The following MINDY4 variants were observed in gnomAD, a reference collection of about 807,000 sequenced individuals.
MINDY4 encodes probable ubiquitin carboxyl-terminal hydrolase MINDY-4.
A neutral mutation model predicts 87.0 loss-of-function variants in MINDY4; 68 were observed. The ratio of observed to expected loss-of-function variants is 0.78; its 90% CI spans 0.64 to 0.96. The LOEUF is 0.96. Ranked by LOEUF, MINDY4 falls within the 40% of genes least tolerant of loss-of-function variation. The pLI is 0.00. For missense variants in MINDY4, 919 were observed against 928.2 expected (o/e 0.99, Z 0.13); for synonymous variants, 379 against 363.2 (o/e 1.04, Z -0.50).
intron 15 of MINDY4, among the ~76,000 whole-genome samples, chr7:30,880,300 G>GCCCCCCCCCCCCCCCCCCCCCC (rs1357350063): frequency 2.0e-5 from 1 of 50,704 alleles, no homozygotes; most frequent in Non-Finnish European, 4.5e-5. Flanking sequence ...GCCCTCCCCC[G>GCCCCCCCCCCCCCCCCCCCCCC]CACCCCCCCC....
At chr7:30,814,461 G>A (rs1375423069) in intron 5 of MINDY4, among the ~76,000 whole-genome samples, 1 of 152,142 alleles carries the variant, frequency 6.6e-6, no homozygotes, top group East Asian at 1.9e-4. Flanking sequence ...ACGTCACCAT[G>A]GACCTGTGTG....
Position 30,851,079 on chromosome 7 carries a change from G to T in MINDY4, c.1547+524G>T, listed in dbSNP as rs867924862. Among the ~76,000 whole-genome samples, 3 of 152,172 alleles carry T rather than the reference G, an allele frequency of 2.0e-5. No individual in the cohort carries two copies. In the South Asian group the frequency reaches 6.2e-4, roughly 32 times the overall value. ...TCCTGACCCGCATCGTCTCTTCACC[G>T]CTGGCCCCATTCTACTGCATATAAC... On this transcript the variant is annotated intron_variant, in intron 10 of 17. Coordinates refer to ENST00000265299, the MANE Select transcript of MINDY4 (RefSeq NM_032222.3).
intron 5 of MINDY4, among the ~76,000 whole-genome samples, chr7:30,807,273 A>G (rs1787841112): frequency 6.6e-6 from 1 of 152,182 alleles, no homozygotes; most frequent in African/African-American, 2.4e-5. Flanking sequence ...ATGATCTTAT[A>G]AGGGCATTTT....
intron 13 of MINDY4, among the ~76,000 whole-genome samples, chr7:30,867,811 G>T (rs185155131): frequency 6.6e-6 from 1 of 152,188 alleles, no homozygotes; most frequent in Non-Finnish European, 1.5e-5. Context: ...GTGGAGGGGG[G>T]ATAGCTGGTT....
intron 16 of MINDY4, 31 bp downstream of exon 16, chr7:30,882,392 C>T: frequency 7.0e-7 from 1 of 1,432,166 alleles, no homozygotes. Context: ...ACCCACCCAA[C>T]CCTGTCCCCA....
intron 13 of MINDY4, among the ~76,000 whole-genome samples, chr7:30,859,687 G>T (rs1251164728): frequency 6.6e-6 from 1 of 152,170 alleles, no homozygotes; most frequent in Non-Finnish European, 1.5e-5. Flanking sequence ...GATGGCTGAG[G>T]GCCCTCTAGA....
chr7:30,851,897 A>C (rs1288712917), intron 10 of MINDY4, among the ~76,000 whole-genome samples: 26 of 152,188 alleles, frequency 1.7e-4, no homozygotes, highest in Admixed American at 1.5e-3. Flanking sequence ...CAGTCTGGAA[A>C]CACATTTGTC....
chr7:30,826,220 G>T (rs1316437809), intron 5 of MINDY4, among the ~76,000 whole-genome samples: 1 of 152,178 alleles, frequency 6.6e-6, no homozygotes, highest in Non-Finnish European at 1.5e-5. Flanking sequence ...TCAGGGATTA[G>T]GATGTGGATA....
At chr7:30,847,938 G>A (rs1789277387) in intron 9 of MINDY4, among the ~76,000 whole-genome samples, 1 of 152,112 alleles carries the variant, frequency 6.6e-6, no homozygotes, top group South Asian at 2.1e-4. Flanking sequence ...TCGCTATGTT[G>A]CCTGGGCTGT....
At position 30,850,534 on chromosome 7, in the gene MINDY4, G is replaced by A. The variant is rs774538147; in HGVS notation, c.1526G>A (p.Arg509Gln). ...LADIVWRAGGRERAVVALASR... is the reference protein window; with the variant it reads ...LADIVWRAGGQERAVVALASR... ...GACATTGTGTGGCGGGCAGGGGGCC[G>A]AGAGAGAGCCGTTGTTGCACTGTAA... The change falls in exon 10 of 18, where the codon CGA (arginine) becomes CAA (glutamine). Residue 509 changes from arginine (R) to glutamine (Q), a missense_variant. Physicochemically the swap from Arg to Gln is conservative, Grantham distance 43. Transcript: ENST00000265299. The A allele has an allele frequency of 1.2e-5, 20 of 1,606,590 alleles. No homozygotes were observed. The highest frequency in any genetic ancestry group is 2.2e-5 in the South Asian group (2 of 89,502).
chr7:30,793,062 T>G (rs1219494394), intron 5 of MINDY4, among the ~76,000 whole-genome samples: 1 of 149,244 alleles, frequency 6.7e-6, no homozygotes, highest in Non-Finnish European at 1.5e-5. Context: ...TTTTTTTTTT[T>G]TAACCCATGG....
Position 30,836,727 on chromosome 7 carries a change from A to T in MINDY4, c.1202A>T (p.Gln401Leu), listed in dbSNP as rs371516368. 5 of 1,614,090 alleles carry T rather than the reference A, an allele frequency of 3.1e-6. No individual in the cohort carries two copies. Among genetic ancestry groups the T allele is most frequent in the Non-Finnish European group, 3.4e-6 (4 of 1,180,028 alleles). The change falls in exon 7 of 18, where the codon CAG (glutamine) becomes CTG (leucine). Residue 401 changes from glutamine (Q) to leucine (L), a missense_variant. Transcript: ENST00000265299. ...LSPVPSVLKL[Q>L]TASKPIDLSV... ...CCAGTCCCATCAGTGCTCAAGTTGC[A>T]GACAGCATCAAAACCAATTGACCTC...
intron 12 of MINDY4, chr7:30,858,177 GA>G (rs1789634863): frequency 6.6e-6 from 1 of 152,198 alleles, no homozygotes; most frequent in African/African-American, 2.4e-5. Flanking sequence ...TGAAGGTGGG[GA>G]TGGTGTTTCT....
intron 5 of MINDY4, among the ~76,000 whole-genome samples, chr7:30,795,686 A>AT: frequency 6.6e-6 from 1 of 152,296 alleles, no homozygotes; most frequent in East Asian, 1.9e-4. Context: ...GGTCTGAAGG[A>AT]TGTCTCACTG....
In MINDY4 at chr7:30,891,554, G is replaced by T. The variant is rs369262711; in HGVS notation, c.2226-403G>T. The stretch of plus-strand genomic sequence containing the variant: ...CCCCACCCTCTGTCCCCATTGTTTC[G>T]CACTCAGCCATATCTAGGACTGCAC... On this transcript the variant is annotated intron_variant, in intron 17 of 17. Coordinates refer to ENST00000265299, the MANE Select transcript of MINDY4 (RefSeq NM_032222.3). 5.3e-5 allele frequency among the ~76,000 whole-genome samples: 8 copies of T among 152,150 alleles called. No individual in the cohort carries two copies. The East Asian group carries it at 7.7e-4, about 15-fold the overall frequency.
chr7:30,868,063 G>T (rs1362119928), intron 13 of MINDY4, among the ~76,000 whole-genome samples: 1 of 152,224 alleles, frequency 6.6e-6, no homozygotes, highest in Non-Finnish European at 1.5e-5. Flanking sequence ...CTGGGACCTG[G>T]TCTCTAGGCC....
rs532221164 is a variant in MINDY4 at position 30,859,378 on chromosome 7, C to T, written c.1745+54C>T. On this transcript the variant is annotated intron_variant, in intron 13 of 17. Transcript: ENST00000265299. ...GGGCTGGGCTGGTCTGTCTTGTTCA[C>T]TGCTGCCTCGCTAGAGCCCAGGATG... 29 of 1,530,626 alleles carry T rather than the reference C, an allele frequency of 1.9e-5. No individual in the cohort carries two copies. The South Asian group carries it at 2.8e-4, about 15-fold the overall frequency. The allele number at this position is 1,530,626 out of a possible 1,614,324, so 94.8% of individuals were successfully genotyped here.
At chr7:30,870,630 A>G (rs1218534249) in intron 13 of MINDY4, among the ~76,000 whole-genome samples, 2 of 152,150 alleles carry the variant, frequency 1.3e-5, no homozygotes, top group Non-Finnish European at 2.9e-5. Context: ...TGTTTTCCCC[A>G]AGTATTGTGG....
intron 9 of MINDY4, among the ~76,000 whole-genome samples, chr7:30,845,114 G>A (rs1789164295): frequency 6.6e-6 from 1 of 152,212 alleles, no homozygotes; most frequent in African/African-American, 2.4e-5. Flanking sequence ...TGGGGGCCCA[G>A]GGAGGCCAGG....
Sources: allele counts gnomAD v4.1 joint callset (sites outside exome capture counted in the v4.1 genomes callset), GRCh38; gene constraint gnomAD v4.1.1; transcripts MANE v1.5; gene names NCBI Gene and HGNC (gene_info 2026-07-23, HGNC 2026-07-21).